The following TBC1D4 variants were observed in gnomAD, a reference collection of about 807,000 sequenced individuals.
TBC1D4 encodes the protein TBC1 domain family member 4.
A neutral mutation model predicts 142.5 loss-of-function variants in TBC1D4; 121 were observed. The ratio of observed to expected loss-of-function variants is 0.85; its 90% confidence interval spans 0.73 to 0.99. TBC1D4 has a LOEUF of 0.99. Ranked by LOEUF, TBC1D4 falls within the 50% of genes least tolerant of loss-of-function variation. TBC1D4 has a pLI of 0.00. For missense variants in TBC1D4, 1,475 were observed against 1,606.6 expected (o/e 0.92, Z 1.40); for synonymous variants, 630 against 628.2 (o/e 1.00, Z -0.04).
rs775223433 is a variant in TBC1D4, at chr13:75,294,919, G to A, written c.3251C>T (p.Ala1084Val). 6.8e-6 allele frequency: 11 copies of A among 1,613,872 alleles called. No homozygotes were observed. In the South Asian group the frequency reaches 1.2e-4, roughly 18 times the overall value. ...AAACAATGTGAGGAACCAGGGGGCAGCATAAAGACTGGGGCTGATTTCATT... is the reference window on the plus strand; with the variant it reads ...AAACAATGTGAGGAACCAGGGGGCAACATAAAGACTGGGGCTGATTTCATT... ...EENEISPSLY[A>V]APWFLTLFAS... is the part of the protein sequence containing the mutation. Residue 1084 changes from alanine to valine, a missense_variant, in exon 18 of 21, where the codon GCT becomes GTT. Ala to Val is a moderately conservative substitution (Grantham distance 64). This residue lies in a region of TBC1D4 where 248 missense variants were observed against 338.9 expected (regional missense o/e 0.73). Coordinates refer to ENST00000377636, the MANE Select transcript of TBC1D4 (RefSeq NM_014832.5).
chr13:75,443,526 A>G (rs149356232), intron 1 of TBC1D4, among the ~76,000 whole-genome samples: 33 of 152,340 alleles, frequency 2.2e-4, no homozygotes, highest in Admixed American at 1.4e-3. Flanking sequence ...CCTATCAAAC[A>G]CTGCCTTCCA....
chr13:75,313,765 A>G (rs1593912030), intron 12 of TBC1D4, among the ~76,000 whole-genome samples: 1 of 152,264 alleles, frequency 6.6e-6, no homozygotes, highest in South Asian at 2.1e-4. Context: ...CACTCAAGCA[A>G]TTCTCCTGTC....
Position 75,309,989 on chromosome 13 carries a change from T to C in TBC1D4, c.2546A>G (p.Gln849Arg). Residue 849 changes from glutamine (Q) to arginine (R), a missense_variant, in exon 14 of 21, where the codon CAA becomes CGA. Physicochemically the swap from Gln to Arg is conservative, Grantham distance 43. Around this residue, in one of 2 missense-constraint regions of TBC1D4, gnomAD observed 1,227 missense variants for 1,267.7 expected, o/e 0.97. Coordinates refer to ENST00000377636, the MANE Select transcript of TBC1D4 (RefSeq NM_014832.5). ...LRSLWRKAIHQQILLLRMEKE... is the reference protein window; with the variant it reads ...LRSLWRKAIHRQILLLRMEKE... ...TTCCATTCGAAGTAACAAGATTTGT[T>C]GGTGTATAGCTTTTCTCCACAAGCT... 1 of 1,614,160 alleles carries C rather than the reference T, an allele frequency of 6.2e-7. No individual in the cohort carries two copies.
intron 4 of TBC1D4, among the ~76,000 whole-genome samples, chr13:75,350,319 A>T (rs1476610615): frequency 6.6e-6 from 1 of 152,176 alleles, no homozygotes; most frequent in African/African-American, 2.4e-5. Flanking sequence ...TATTTAAAGA[A>T]TGTAATCTAC....
chr13:75,411,183 AT>A (rs1885643935), intron 1 of TBC1D4, among the ~76,000 whole-genome samples: 1 of 152,150 alleles, frequency 6.6e-6, no homozygotes, highest in South Asian at 2.1e-4. Context: ...CACATGGAAA[AT>A]ATGACAATAA....
At position 75,310,106 on chromosome 13, in the gene TBC1D4, G is replaced by C. The variant is rs1303375299; in HGVS notation, c.2429C>G (p.Pro810Arg). ...AACCAGCGGTTCCTCCTCCATGGTT[G>C]GAGAGAGGGGGGACAGTGGCAGCAG... Reference protein sequence around the residue: ...NELLPLSPLSPTMEEEPLVVF... With the variant: ...NELLPLSPLSRTMEEEPLVVF... Residue 810 changes from proline (P) to arginine (R), a missense_variant, in exon 14 of 21, where the codon CCA (proline) becomes CGA (arginine). Physicochemically the swap from Pro to Arg is moderately radical, Grantham distance 103. Coordinates refer to ENST00000377636, the MANE Select transcript of TBC1D4 (RefSeq NM_014832.5). 6.2e-7 allele frequency: 1 copy of C among 1,613,960 alleles called. No individual in the cohort carries two copies. The highest frequency in any genetic ancestry group is 8.5e-7 in the Non-Finnish European group (1 of 1,180,002).
intron 1 of TBC1D4, among the ~76,000 whole-genome samples, chr13:75,424,127 G>A (rs1886277391): frequency 6.6e-6 from 1 of 152,012 alleles, no homozygotes; most frequent in African/African-American, 2.4e-5. Flanking sequence ...CAAAAAACTA[G>A]CCAGGCATGA....
intron 6 of TBC1D4, 40 bp downstream of exon 6, chr13:75,341,456 T>C: frequency 6.3e-7 from 1 of 1,586,310 alleles, no homozygotes; most frequent in Non-Finnish European, 8.7e-7. Context: ...CCAATTCTCA[T>C]TCCTTATGTC....
Position 75,481,560 on chromosome 13 carries a change from C to T in TBC1D4, c.208G>A (p.Glu70Lys). ...GCCGGCGCCCCGCAGCCGCCCGCCTCGGGCTTCTGGCTGCGCCTGCGGATC... is the reference window on the plus strand; with the variant it reads ...GCCGGCGCCCCGCAGCCGCCCGCCTTGGGCTTCTGGCTGCGCCTGCGGATC... Reference protein sequence around the residue: ...AEIRRRSQKPEAGGCGAPAAR... With the variant: ...AEIRRRSQKPKAGGCGAPAAR... The change falls in exon 1 of 21, where the codon GAG (glutamate) becomes AAG (lysine). Residue 70 changes from glutamate to lysine, a missense_variant. By Grantham distance (56) the Glu-to-Lys change is moderately conservative. Transcript: ENST00000377636. 3 of 1,597,932 alleles carry T rather than the reference C, an allele frequency of 1.9e-6. No individual in the cohort carries two copies. The highest frequency in any genetic ancestry group is 1.1e-5 in the South Asian group (1 of 89,638).
intron 8 of TBC1D4, among the ~76,000 whole-genome samples, chr13:75,329,136 C>T (rs1269577460): frequency 6.6e-6 from 1 of 151,922 alleles, no homozygotes; most frequent in Non-Finnish European, 1.5e-5. Context: ...CACCTTTCTT[C>T]CCCTCTTCCT....
chr13:75,319,696 C>T (rs1878595829), intron 12 of TBC1D4, among the ~76,000 whole-genome samples: 1 of 152,206 alleles, frequency 6.6e-6, no homozygotes, highest in South Asian at 2.1e-4. Flanking sequence ...TATGTACCCC[C>T]TAACTAGCAA....
chr13:75,356,038 T>C, intron 4 of TBC1D4, 109 bp downstream of exon 4: 1 of 832,668 alleles, frequency 1.2e-6, no homozygotes, highest in Non-Finnish European at 2.0e-6. Context: ...AGACGCCTTC[T>C]TCTTTTCCCA....
intron 1 of TBC1D4, among the ~76,000 whole-genome samples, chr13:75,441,865 A>G (rs889826532): frequency 6.6e-6 from 1 of 152,194 alleles, no homozygotes; most frequent in African/African-American, 2.4e-5. Context: ...TTACAACTTA[A>G]TTGTATACAT....
rs763365007 is a variant in TBC1D4, at chr13:75,362,089, G to A, written c.1017C>T (p.His339=). 31 of 1,613,954 alleles carry A rather than the reference G, an allele frequency of 1.9e-5. No homozygotes were observed. Among genetic ancestry groups the A allele is most frequent in the Non-Finnish European group, 2.4e-5 (28 of 1,180,042 alleles). The change falls in exon 2 of 21, where the codon CAC becomes CAT. Residue 339 remains histidine (H), a synonymous_variant. Coordinates refer to ENST00000377636, the MANE Select transcript of TBC1D4 (RefSeq NM_014832.5). This position sits in a 1 kb window ranked among gnomAD's most constrained non-coding sequence, Gnocchi z 4.2. ...GSQKSQPRRR[H]ASAPSHVQPS... is the part of the protein sequence containing the mutation. ...GCTGGACGTGACTGGGTGCGCTCGC[G>A]TGTCTCCGTCGCGGCTGGGATTTCT...
At chr13:75,367,138 A>AG in intron 1 of TBC1D4, 2 of 184,032 alleles carry the variant, frequency 1.1e-5, no homozygotes, top group Non-Finnish European at 2.1e-5. Context: ...CTGACTCTGC[A>AG]ATCAGGAAAT....
chr13:75,325,540 A>C (rs1403171712), intron 10 of TBC1D4, among the ~76,000 whole-genome samples: 1 of 152,190 alleles, frequency 6.6e-6, no homozygotes, highest in Non-Finnish European at 1.5e-5. Context: ...CAGAAAGAAG[A>C]AAATCATTCC....
chr13:75,470,923 GT>G (rs1170356441), intron 1 of TBC1D4, among the ~76,000 whole-genome samples: 5 of 151,664 alleles, frequency 3.3e-5, no homozygotes, highest in Admixed American at 6.6e-5. Flanking sequence ...AGAGGTGGGG[GT>G]TGAAGTAAGC....
intron 1 of TBC1D4, among the ~76,000 whole-genome samples, chr13:75,457,119 AG>A (rs544147456): frequency 5.8e-4 from 88 of 152,302 alleles, no homozygotes; most frequent in African/African-American, 2.0e-3. Context: ...ATGATTTCTA[AG>A]GGGGAATGGG....
At chr13:75,398,267 G>T (rs536121960) in intron 1 of TBC1D4, among the ~76,000 whole-genome samples, 3 of 152,162 alleles carry the variant, frequency 2.0e-5, no homozygotes, top group Admixed American at 1.3e-4. Context: ...GGTTTGTTAC[G>T]CAATGAACAA....
Sources: allele counts gnomAD v4.1 joint callset (sites outside exome capture counted in the v4.1 genomes callset), GRCh38; gene constraint gnomAD v4.1.1; regional missense constraint gnomAD v4.1.1; non-coding constraint Gnocchi (gnomAD v3.1); transcripts MANE v1.5; gene names NCBI Gene and HGNC (gene_info 2026-07-23, HGNC 2026-07-21).